The following SLC1A7 variants were observed in gnomAD, a reference collection of about 807,000 sequenced individuals.
SLC1A7 encodes solute carrier family 1 member 7, also known as excitatory amino acid transporter 5.
In SLC1A7, 40 loss-of-function variants were observed where a neutral mutation model predicts 47.7. The observed-to-expected ratio is 0.84, with a 90% CI of 0.65 to 1.09. The LOEUF (loss-of-function observed/expected upper bound fraction) is 1.09. Among genes scored for constraint, SLC1A7 ranks in the 50% least tolerant of loss-of-function variants. SLC1A7 has a pLI of 0.00. For missense variants in SLC1A7, 746 were observed against 769.5 expected, an observed-to-expected ratio of 0.97 and a Z score of 0.36; for synonymous variants, 323 against 325.6, an observed-to-expected ratio of 0.99 and a Z score of 0.09.
At chr1:53,098,724 A>T (rs1298509255) in intron 5 of SLC1A7, among the ~76,000 whole-genome samples, 1 of 150,228 alleles carries the variant, frequency 6.7e-6, no homozygotes, top group Non-Finnish European at 1.5e-5. Context: ...GTACACTCAC[A>T]CATACCGCCT....
chr1:53,109,656 A>C (rs1644681984), intron 3 of SLC1A7, among the ~76,000 whole-genome samples: 1 of 152,050 alleles, frequency 6.6e-6, no homozygotes, highest in Non-Finnish European at 1.5e-5. Flanking sequence ...GTTTTTGTTC[A>C]GTCTTCAGCA....
At chr1:53,111,602 T>G (rs948614875) in intron 3 of SLC1A7, among the ~76,000 whole-genome samples, 47 of 152,172 alleles carry the variant, frequency 3.1e-4, no homozygotes, top group African/African-American at 1.1e-3. Context: ...GCTGAGGAAC[T>G]GGCTGCAGGG....
chr1:53,118,045 C>T (rs2150335830), intron 2 of SLC1A7, among the ~76,000 whole-genome samples: 1 of 152,378 alleles, frequency 6.6e-6, no homozygotes, highest in Admixed American at 6.5e-5. Context: ...AGTGCCAGGG[C>T]CACCGCAGGT....
chr1:53,093,758 C>A (rs1447021413), intron 5 of SLC1A7, among the ~76,000 whole-genome samples, 198 bp from the exon 6 acceptor site: 6 of 152,146 alleles, frequency 3.9e-5, no homozygotes, highest in Non-Finnish European at 1.5e-5. Context: ...TCACCTTCCT[C>A]CACGCAGCAG....
chr1:53,136,610 TAA>T (rs1491579023), intron 1 of SLC1A7, among the ~76,000 whole-genome samples: 13 of 120,390 alleles, frequency 1.1e-4, no homozygotes, highest in African/African-American at 3.4e-4. Context: ...TAAACATATA[TAA>T]TATATATAAA....
At chr1:53,110,824 C>T (rs776705054) in intron 3 of SLC1A7, among the ~76,000 whole-genome samples, 8 of 152,112 alleles carry the variant, frequency 5.3e-5, no homozygotes, top group Non-Finnish European at 7.3e-5. Flanking sequence ...GCCCACAGTG[C>T]GGCCGTGAGC....
chr1:53,134,569 G>A (rs1644972423), intron 1 of SLC1A7, 140 bp from the exon 2 acceptor site: 1 of 541,024 alleles, frequency 1.8e-6, no homozygotes, highest in Admixed American at 3.1e-5. Context: ...GAAAGAACTG[G>A]CTTTGGAGCC....
chr1:53,136,203 T>TA (rs1491115882), intron 1 of SLC1A7, among the ~76,000 whole-genome samples: 15 of 147,734 alleles, frequency 1.0e-4, no homozygotes, highest in South Asian at 8.3e-4. Context: ...TATATATATA[T>TA]TTTTTAGACA....
chr1:53,100,109 C>T (rs150472393), intron 5 of SLC1A7, among the ~76,000 whole-genome samples: 86 of 150,242 alleles, frequency 5.7e-4, no homozygotes, highest in African/African-American at 1.9e-3. Flanking sequence ...TACACCACCT[C>T]GACACACTCA....
At chr1:53,126,685 G>C (rs890232199) in intron 2 of SLC1A7, among the ~76,000 whole-genome samples, 7 of 152,168 alleles carry the variant, frequency 4.6e-5, no homozygotes, top group African/African-American at 1.7e-4. Context: ...CCAGCTCTGG[G>C]GCCCAGACAG....
intron 4 of SLC1A7, among the ~76,000 whole-genome samples, chr1:53,104,545 A>T (rs1432240230): frequency 6.6e-6 from 1 of 152,242 alleles, no homozygotes; most frequent in Non-Finnish European, 1.5e-5. Context: ...AGAGTTACAG[A>T]GTAGAGCAAC....
chr1:53,114,988 G>A lies in SLC1A7; in HGVS notation c.216-15C>T. On this transcript the variant is annotated splice_polypyrimidine_tract_variant and intron_variant, in intron 2 of 10. Transcript: ENST00000371494. ...CGGACATCAAGCTGGGAGGGCGAGG[G>A]GGTCAGGGGCTGTGGTGGGGAGGCC... 6.2e-7 allele frequency: 1 copy of A among 1,608,066 alleles called. No individual in the cohort carries two copies. The highest frequency in any genetic ancestry group is 1.1e-5 in the South Asian group (1 of 90,616).
chr1:53,134,278 G>A, intron 2 of SLC1A7, 72 bp downstream of exon 2: 1 of 1,106,876 alleles, frequency 9.0e-7, no homozygotes, highest in Non-Finnish European at 1.3e-6. Context: ...CCCACAGCAG[G>A]AGCAGGGCAG....
At chr1:53,099,489 A>AG in intron 5 of SLC1A7, among the ~76,000 whole-genome samples, 1 of 145,102 alleles carries the variant, frequency 6.9e-6, no homozygotes, top group Non-Finnish European at 1.5e-5. Flanking sequence ...CAGTACACTC[A>AG]ACCGCCTCAG....
At chr1:53,094,047 C>T (rs1644456495) in intron 5 of SLC1A7, among the ~76,000 whole-genome samples, 1 of 152,224 alleles carries the variant, frequency 6.6e-6, no homozygotes. Flanking sequence ...CACTGGCTGC[C>T]CGCTCTCCAA....
intron 9 of SLC1A7, 75 bp downstream of exon 9, chr1:53,089,725 C>T (rs1003227318): frequency 3.0e-5 from 45 of 1,513,706 alleles, no homozygotes; most frequent in Admixed American, 5.2e-5. Context: ...GGGACTCAGC[C>T]GCTCACCCTG....
In SLC1A7 at chr1:53,128,695, G is replaced by A. The variant is rs1213133805; in HGVS notation, c.215+5655C>T. On this transcript the variant is annotated intron_variant, in intron 2 of 10. Coordinates refer to ENST00000371494, the MANE Select transcript of SLC1A7 (RefSeq NM_006671.6). ...GTACCAGTGTTGAGGGAGCACCCGG[G>A]TGTGCCTCAGTCAAGGGTGGCTTTC... 2.1e-5 allele frequency among the ~76,000 whole-genome samples: 3 copies of A among 142,090 alleles called. 1 individual carries two copies. Among genetic ancestry groups the A allele is most frequent in the Non-Finnish European group, 4.7e-5 (3 of 64,280 alleles). 93.2% of individuals were successfully genotyped at this position (142,090 alleles called of 152,430 possible). A position where few individuals can be genotyped will look rare whatever the true frequency, so the allele number is the denominator to read the frequency against.
rs116409305 is a variant in SLC1A7, at chr1:53,111,626, G to A, written c.431+3132C>T. Among the ~76,000 whole-genome samples the A allele has an allele frequency of 2.8e-3, 428 of 152,292 alleles. 3 individuals carry two copies. The highest frequency in any genetic ancestry group is 4.9e-3 in the Non-Finnish European group (335 of 68,032). On this transcript the variant is annotated intron_variant, in intron 3 of 10. Coordinates refer to ENST00000371494, the MANE Select transcript of SLC1A7 (RefSeq NM_006671.6). ...CTGGCTGCAGGGTATGAGAGAATGA[G>A]AGATGTCAGACCAAGATGGGCAGGG...
In SLC1A7 at chr1:53,142,342, G is replaced by C. The variant is rs763134894; in HGVS notation, c.108C>G (p.Phe36Leu). The change falls in exon 1 of 11, where the codon TTC becomes TTG. Residue 36 changes from phenylalanine to leucine, a missense_variant. Phe to Leu is a conservative substitution (Grantham distance 22, BLOSUM62 0). Transcript: ENST00000371494. ...SVIVGCLLGF[F>L]LRTRRLSPQE... is the part of the protein sequence containing the mutation. ...GTGGTGAGAGGCGCCGGGTCCTCAAGAAGAAGCCGAGGAGGCAGCCCACGA... is the reference window on the plus strand; with the variant it reads ...GTGGTGAGAGGCGCCGGGTCCTCAACAAGAAGCCGAGGAGGCAGCCCACGA... 2.5e-6 allele frequency: 4 copies of C among 1,571,090 alleles called. No homozygotes were observed. The highest frequency in any genetic ancestry group is 1.4e-5 in the African/African-American group (1 of 74,004).
Sources: gnomAD v4.1 joint callset for allele counts (sites outside exome capture counted in the v4.1 genomes callset) on GRCh38, gnomAD v4.1.1 for gene constraint, MANE v1.5 for transcripts, NCBI Gene and HGNC (gene_info 2026-07-23, HGNC 2026-07-21) for gene names.